The following ZNF527 variants were observed in gnomAD, a reference collection of about 807,000 sequenced individuals.
The protein encoded by ZNF527 is zinc finger protein 527.
ZNF527 carries 5 observed loss-of-function variants against 13.5 expected under a neutral mutation model. The ratio of observed to expected loss-of-function variants is 0.37; its 90% CI spans 0.19 to 0.78. The LOEUF (loss-of-function observed/expected upper bound fraction) is 0.78. ZNF527 is among the 30% of genes least tolerant of loss of function. The pLI, the probability that ZNF527 is intolerant of heterozygous loss-of-function variation, is 0.48. For synonymous variants in ZNF527, 209 were observed against 243.1 expected (o/e 0.86, Z 1.30); for missense variants, 628 against 726.4 (o/e 0.86, Z 1.56).
intron 2 of ZNF527, among the ~76,000 whole-genome samples, chr19:37,375,286 CTTTCTT>C (rs1555826927): frequency 8.2e-6 from 1 of 122,592 alleles, no homozygotes; most frequent in Admixed American, 8.5e-5. Flanking sequence ...TTCTTTCTTT[CTTTCTT>C]TCTTTCTTTC....
At chr19:37,383,214 T>A (rs747042840) in intron 4 of ZNF527, among the ~76,000 whole-genome samples, 4 of 151,058 alleles carry the variant, frequency 2.6e-5, no homozygotes, top group Non-Finnish European at 5.9e-5. Context: ...TAAAACTGTA[T>A]GGGAGAATGC....
At chr19:37,384,055 C>T (rs151279429) in intron 4 of ZNF527, among the ~76,000 whole-genome samples, 7 of 152,030 alleles carry the variant, frequency 4.6e-5, no homozygotes, top group African/African-American at 7.2e-5. Flanking sequence ...TGTGGTGGCT[C>T]ATGCCTGTAA....
chr19:37,380,103 ATCC>A lies in ZNF527; in HGVS notation c.161-165_161-163del, dbSNP rs772606840. On this transcript the variant is annotated intron_variant, in intron 3 of 4. Coordinates refer to ENST00000436120, the MANE Select transcript of ZNF527 (RefSeq NM_032453.2). ...GAACCACTGTCACGGCAGAAGCTTC[ATCC>A]TCCTCCTCATCCATACAAGCGTCAT... The A allele has an allele frequency of 4.7e-6, 6 of 1,264,344 alleles. No individual in the cohort carries two copies. In the East Asian group the frequency reaches 8.7e-5, roughly 18 times the overall value. The allele number at this position is 1,264,344 out of a possible 1,614,324, so 78.3% of individuals were successfully genotyped here.
chr19:37,374,965 G>A (rs1202189576), intron 2 of ZNF527, among the ~76,000 whole-genome samples: 2 of 152,318 alleles, frequency 1.3e-5, no homozygotes, highest in East Asian at 3.9e-4. Flanking sequence ...GAGCTAGTGA[G>A]ATTCTGGGTA....
In ZNF527 at chr19:37,389,520, A is replaced by G. The variant is rs1463234730; in HGVS notation, c.1471A>G (p.Ile491Val). ...TDSQLNRHHR[I>V]HTGERPFECS... is the part of the protein sequence containing the mutation. ...CTCACAACTTAATCGACATCATAGAATTCACACTGGAGAGAGACCATTTGA... is the reference window on the plus strand; with the variant it reads ...CTCACAACTTAATCGACATCATAGAGTTCACACTGGAGAGAGACCATTTGA... The change falls in exon 5 of 5, where the codon ATT (isoleucine) becomes GTT (valine). Residue 491 changes from isoleucine to valine, a missense_variant. Coordinates refer to ENST00000436120, the MANE Select transcript of ZNF527 (RefSeq NM_032453.2). The G allele has an allele frequency of 3.7e-6, 6 of 1,614,098 alleles. No homozygotes were observed. The Admixed American group carries it at 1.0e-4, about 27-fold the overall frequency.
At position 37,374,383 on chromosome 19, in the gene ZNF527, A is replaced by G. The variant is rs557676816; in HGVS notation, c.33+152A>G. ...ATAATCCTTCTACAAAACATTTAAT[A>G]TCTTTTTTAGTCAGTGTTATGCTCA... On this transcript the variant is annotated intron_variant, in intron 2 of 4. Transcript: ENST00000436120. The G allele has an allele frequency of 4.2e-5, 30 of 708,138 alleles. No individual in the cohort carries two copies. In the African/African-American group the frequency reaches 4.5e-4, roughly 11 times the overall value. 43.9% of individuals were successfully genotyped at this position (708,138 alleles called of 1,614,324 possible).
Position 37,380,351 on chromosome 19 carries a change from A to T in ZNF527, c.235A>T (p.Met79Leu), listed in dbSNP as rs2040643847. ...GGAACCGTGGATGGTGGAGAGAAAGATGTCACAGGGTCACTGTGCAGGTGA... is the reference window on the plus strand; with the variant it reads ...GGAACCGTGGATGGTGGAGAGAAAGTTGTCACAGGGTCACTGTGCAGGTGA... ...GKEPWMVERK[M>L]SQGHCADWES... The change falls in exon 4 of 5, where the codon ATG becomes TTG. Residue 79 changes from methionine (M) to leucine (L), a missense_variant. Met to Leu is a conservative substitution (Grantham distance 15, BLOSUM62 2). Coordinates refer to ENST00000436120, the MANE Select transcript of ZNF527 (RefSeq NM_032453.2). 1.9e-6 allele frequency: 3 copies of T among 1,613,996 alleles called. No homozygotes were observed. The highest frequency in any genetic ancestry group is 2.5e-6 in the Non-Finnish European group (3 of 1,179,920).
intron 4 of ZNF527, among the ~76,000 whole-genome samples, chr19:37,387,048 G>T (rs182998310): frequency 1.0e-3 from 152 of 152,318 alleles, no homozygotes; most frequent in African/African-American, 3.3e-3. Context: ...TGGGTGAAGG[G>T]TGTATTGGAA....
chr19:37,374,235 A>G lies in ZNF527; in HGVS notation c.33+4A>G, dbSNP rs1283128388. 3.7e-6 allele frequency: 6 copies of G among 1,613,944 alleles called. No individual in the cohort carries two copies. The Admixed American group carries it at 1.0e-4, about 27-fold the overall frequency. ...GCTTTGTAAAGCCATGTCCCAGGTA[A>G]GCATGCTCTTTCACTTTGTTTTCAG... On this transcript the variant is annotated splice_donor_region_variant and intron_variant, in intron 2 of 4. Transcript: ENST00000436120.
At chr19:37,378,695 C>T (rs770121042) in intron 2 of ZNF527, among the ~76,000 whole-genome samples, 3 of 152,260 alleles carry the variant, frequency 2.0e-5, no homozygotes, top group East Asian at 1.9e-4. Flanking sequence ...TGTTCCTGGA[C>T]GTTTCTCCTT....
chr19:37,372,551 C>T (rs887599367), intron 1 of ZNF527, among the ~76,000 whole-genome samples: 2 of 144,782 alleles, frequency 1.4e-5, no homozygotes, highest in African/African-American at 5.2e-5. Context: ...CGGCTCACAG[C>T]ACCCTCTACC....
In ZNF527 at chr19:37,391,686, A is replaced by G. The variant is rs2146830204; in HGVS notation, c.*1807A>G. ...TCAAACAAAGATATTGCTGGCAGAA[A>G]GAATGAGTCATTTTTAACAAATGGT... On this transcript the variant is annotated 3_prime_UTR_variant, in exon 5 of 5. Coordinates refer to ENST00000436120, the MANE Select transcript of ZNF527 (RefSeq NM_032453.2). The G allele has an allele frequency of 6.6e-6, 1 of 152,352 alleles. No homozygotes were observed. Among genetic ancestry groups the G allele is most frequent in the South Asian group, 2.1e-4 (1 of 4,832 alleles). The allele number at this position is 152,352 out of a possible 1,614,324, so 9.4% of individuals were successfully genotyped here.
In ZNF527 at chr19:37,384,062, G is replaced by T. The variant is rs187515046; in HGVS notation, c.256+3690G>T. On this transcript the variant is annotated intron_variant, in intron 4 of 4. Coordinates refer to ENST00000436120, the MANE Select transcript of ZNF527 (RefSeq NM_032453.2). ...AGGCTGGGTGTGGTGGCTCATGCCT[G>T]TAATCCCAGCAGTCTGGGAGGCTGA... Among the ~76,000 whole-genome samples the T allele has an allele frequency of 6.3e-3, 955 of 152,112 alleles. 25 individuals are homozygous for T. Among genetic ancestry groups the T allele is most frequent in the East Asian group, 0.052 (268 of 5,118 alleles).
At chr19:37,377,509 T>A (rs2040618091) in intron 2 of ZNF527, among the ~76,000 whole-genome samples, 1 of 152,182 alleles carries the variant, frequency 6.6e-6, no homozygotes, top group South Asian at 2.1e-4. Context: ...TTGAGGACAT[T>A]CTGGCCATAT....
At chr19:37,373,956 GC>G (rs761609556) in intron 1 of ZNF527, among the ~76,000 whole-genome samples, 184 of 152,292 alleles carry the variant, frequency 1.2e-3, no homozygotes, top group Non-Finnish European at 2.3e-3. Flanking sequence ...TTGAGTTCAG[GC>G]TATGCGTCCT....
Position 37,390,759 on chromosome 19 carries a change from C to A in ZNF527, c.*880C>A, listed in dbSNP as rs2040745747. 6.6e-6 allele frequency: 1 copy of A among 152,026 alleles called. No homozygotes were observed. The allele number at this position is 152,026 out of a possible 1,614,324, so 9.4% of individuals were successfully genotyped here. A position where few individuals can be genotyped will look rare whatever the true frequency, so the allele number is the denominator to read the frequency against. On this transcript the variant is annotated 3_prime_UTR_variant, in exon 5 of 5. Transcript: ENST00000436120. ...CATTTTTTGTGATCCAATAAATTTC[C>A]TTTTTTTGCTTAATTTGGATTATAT...
intron 4 of ZNF527, among the ~76,000 whole-genome samples, chr19:37,383,909 AC>A (rs1224131050): frequency 6.6e-6 from 1 of 152,158 alleles, no homozygotes; most frequent in Admixed American, 6.5e-5. Context: ...TACTATATAA[AC>A]CAATCTGATT....
In ZNF527 at chr19:37,389,872, C is replaced by T. The variant is rs200322627; in HGVS notation, c.1823C>T (p.Thr608Met). The T allele has an allele frequency of 2.1e-4, 331 of 1,587,282 alleles. 2 individuals are homozygous for T. Among genetic ancestry groups the T allele is most frequent in the South Asian group, 5.9e-4 (51 of 86,452 alleles). Residue 608 changes from threonine to methionine, a missense_variant, in exon 5 of 5, where the codon ACG becomes ATG. Thr to Met is a moderately conservative substitution (Grantham distance 81). This residue lies in a region of ZNF527 where 592 missense variants were observed against 678.0 expected (regional missense o/e 0.87). Coordinates refer to ENST00000436120, the MANE Select transcript of ZNF527 (RefSeq NM_032453.2). ...CATCAGAGAATTCATAATAGAGAAA[C>T]GCTCTGATTATAACAAGTATAGGAA... ...RRHQRIHNRE[T>M]L
chr19:37,379,106 T>G lies in ZNF527; in HGVS notation c.34-14T>G, dbSNP rs1204216114. 2 of 1,613,964 alleles carry G rather than the reference T, an allele frequency of 1.2e-6. No homozygotes were observed. The highest frequency in any genetic ancestry group is 3.3e-4 in the Middle Eastern group (2 of 6,058). ...TGTCTGGGCACCTGGTGAACAAGAATTTTTTTATTTCAGGGGTTGGTGACC... is the reference window on the plus strand; with the variant it reads ...TGTCTGGGCACCTGGTGAACAAGAAGTTTTTTATTTCAGGGGTTGGTGACC... On this transcript the variant is annotated splice_polypyrimidine_tract_variant and intron_variant, in intron 2 of 4. Transcript: ENST00000436120.
Sources: gnomAD v4.1 joint callset for allele counts (sites outside exome capture counted in the v4.1 genomes callset) on GRCh38, gnomAD v4.1.1 for gene constraint, gnomAD v4.1.1 regional missense constraint, MANE v1.5 for transcripts, NCBI Gene and HGNC (gene_info 2026-07-23, HGNC 2026-07-21) for gene names.